The following FRYL variants were observed in gnomAD, a reference collection of about 807,000 sequenced individuals.
FRYL encodes FRY like transcription coactivator.
In FRYL, 150 loss-of-function variants were observed where a neutral mutation model predicts 351.2. The observed-to-expected ratio is 0.43, with a 90% confidence interval of 0.37 to 0.49. FRYL has a LOEUF of 0.49. FRYL is among the 20% of genes least tolerant of loss of function. The pLI, the probability that FRYL is intolerant of heterozygous loss-of-function variation, is 0.00. For synonymous variants in FRYL, 1,153 were observed against 1,257.1 expected (o/e 0.92, Z 1.75); for missense variants, 3,036 against 3,619.3 (o/e 0.84, Z 4.13).
At chr4:48,695,230 C>A (rs958145060) in intron 2 of FRYL, among the ~76,000 whole-genome samples, 7 of 152,142 alleles carry the variant, frequency 4.6e-5, no homozygotes, top group African/African-American at 1.7e-4. Flanking sequence ...GTAAGAGTTG[C>A]TCTGAGACTG....
Position 48,575,125 on chromosome 4 carries a change from T to C in FRYL, c.2838A>G (p.Gly946=), listed in dbSNP as rs779987321. 11 of 1,613,368 alleles carry C rather than the reference T, an allele frequency of 6.8e-6. No homozygotes were observed. The highest frequency in any genetic ancestry group is 1.3e-5 in the African/African-American group (1 of 74,910). ...LVLGLGRTNP[G]AFRELIEELH... is the part of the protein sequence containing the mutation. ...TGTACGAACATAGTTACCTAAAAGC[T>C]CCTGGGTTGGTCCTGCCAAGACCTA... is the stretch of plus-strand genomic sequence containing the variant. Residue 946 remains glycine (G), a synonymous_variant, in exon 25 of 64, where the codon GGA becomes GGG. Transcript: ENST00000358350.
At chr4:48,533,522 C>T (rs1436185321) in intron 49 of FRYL, among the ~76,000 whole-genome samples, 1 of 152,028 alleles carries the variant, frequency 6.6e-6, no homozygotes, top group Non-Finnish European at 1.5e-5. Flanking sequence ...AGAATAAATT[C>T]CTTGCCAGCT....
At position 48,653,986 on chromosome 4, in the gene FRYL, C is replaced by T; in HGVS notation, c.-80-19496G>A. On this transcript the variant is annotated intron_variant, in intron 3 of 63. Coordinates refer to ENST00000358350, the MANE Select transcript of FRYL (RefSeq NM_015030.2). ...ACGCACAACTATAGTGGAAATGCCG[C>T]TGAATGCAGATGAACTATCCAGTTG... 3 of 1,090,256 alleles carry T rather than the reference C, an allele frequency of 2.8e-6. No homozygotes were observed. In the South Asian group the frequency reaches 5.3e-5, roughly 19 times the overall value. The allele number at this position is 1,090,256 out of a possible 1,614,324, so 67.5% of individuals were successfully genotyped here.
chr4:48,710,599 A>G lies in FRYL; in HGVS notation c.-284T>C. On this transcript the variant is annotated 5_prime_UTR_variant, in exon 2 of 64. Coordinates refer to ENST00000358350, the MANE Select transcript of FRYL (RefSeq NM_015030.2). ...AAGGATCCATCTAGAAGCTTTTTTG[A>G]TCTGGAGCTTGTACTTTACAGGCAC... The G allele has an allele frequency of 2.5e-6, 1 of 398,576 alleles. No individual in the cohort carries two copies. The highest frequency in any genetic ancestry group is 4.4e-6 in the Non-Finnish European group (1 of 226,040). The allele number at this position is 398,576 out of a possible 1,614,324, so 24.7% of individuals were successfully genotyped here.
chr4:48,777,529 A>T (rs918269667), intron 1 of FRYL, among the ~76,000 whole-genome samples: 2 of 152,242 alleles, frequency 1.3e-5, no homozygotes, highest in African/African-American at 4.8e-5. Context: ...GATCTCAAGA[A>T]ACAGTTCATA....
At chr4:48,680,596 G>A (rs1228437179) in intron 3 of FRYL, among the ~76,000 whole-genome samples, 1 of 151,898 alleles carries the variant, frequency 6.6e-6, no homozygotes, top group Non-Finnish European at 1.5e-5. Context: ...GGTTTCTATA[G>A]TAACAGACAC....
chr4:48,576,957 T>A (rs1739755019), intron 23 of FRYL, among the ~76,000 whole-genome samples: 1 of 152,174 alleles, frequency 6.6e-6, no homozygotes, highest in South Asian at 2.1e-4. Context: ...ATCTACCTTT[T>A]AGACTTACGT....
intron 3 of FRYL, among the ~76,000 whole-genome samples, chr4:48,665,401 C>A (rs1761528888): frequency 6.6e-6 from 1 of 152,118 alleles, no homozygotes; most frequent in Non-Finnish European, 1.5e-5. Context: ...CATTCTCAAG[C>A]TCCTTTGAAA....
chr4:48,508,829 A>G (rs1299021462), intron 59 of FRYL, among the ~76,000 whole-genome samples: 1 of 152,212 alleles, frequency 6.6e-6, no homozygotes, highest in Non-Finnish European at 1.5e-5. Flanking sequence ...TGGCAAAAGC[A>G]GACACCACAA....
chr4:48,591,717 C>T (rs1202407442), intron 16 of FRYL, among the ~76,000 whole-genome samples: 1 of 152,096 alleles, frequency 6.6e-6, no homozygotes, highest in Non-Finnish European at 1.5e-5. Flanking sequence ...TCATGTATTA[C>T]CTCCCAAAAC....
intron 7 of FRYL, among the ~76,000 whole-genome samples, chr4:48,617,286 G>GA (rs1206644236): frequency 1.3e-5 from 2 of 149,318 alleles, no homozygotes; most frequent in South Asian, 4.2e-4. Context: ...CCATGGGTCA[G>GA]AAATGATTTT....
At chr4:48,760,423 T>C (rs1774279901) in intron 1 of FRYL, among the ~76,000 whole-genome samples, 2 of 152,256 alleles carry the variant, frequency 1.3e-5, no homozygotes, top group Admixed American at 6.5e-5. Context: ...AATCATTTTT[T>C]TCTAGATTCT....
Position 48,573,211 on chromosome 4 carries a change from T to C in FRYL, c.2879A>G (p.Lys960Arg). The C allele has an allele frequency of 6.2e-7, 1 of 1,612,668 alleles. No individual in the cohort carries two copies. The highest frequency in any genetic ancestry group is 8.5e-7 in the Non-Finnish European group (1 of 1,178,704). ...ELIEELHPII[K>R]EALERRPENM... ...CTCTGGCCTTCTTTCGAGTGCTTCT[T>C]TAATTATGGGATGTAATTCCTCTAT... Residue 960 changes from lysine (K) to arginine (R), a missense_variant, in exon 26 of 64, where the codon AAA becomes AGA. Transcript: ENST00000358350.
At chr4:48,515,781 T>C (rs993008333) in intron 55 of FRYL, among the ~76,000 whole-genome samples, 1 of 152,206 alleles carries the variant, frequency 6.6e-6, no homozygotes, top group African/African-American at 2.4e-5. Flanking sequence ...TTGAGGACTT[T>C]TTTTCTCTTC....
chr4:48,636,071 C>A (rs1212001607), intron 3 of FRYL, among the ~76,000 whole-genome samples: 1 of 152,072 alleles, frequency 6.6e-6, no homozygotes, highest in Non-Finnish European at 1.5e-5. Flanking sequence ...TGTGTCATAT[C>A]AAGTTAAAAT....
At position 48,725,647 on chromosome 4, in the gene FRYL, T is replaced by C. The variant is rs117529409; in HGVS notation, c.-383-14949A>G. Among the ~76,000 whole-genome samples the C allele has an allele frequency of 5.4e-4, 82 of 152,310 alleles. 1 individual carries two copies. In the East Asian group the frequency reaches 8.5e-3, roughly 16 times the overall value. On this transcript the variant is annotated intron_variant, in intron 1 of 63. Coordinates refer to ENST00000358350, the MANE Select transcript of FRYL (RefSeq NM_015030.2). ...AGTGTGTCCACATCCACACTGTCTATGCTACCCACCCGCTAGTCACTTAGG... is the reference window on the plus strand; with the variant it reads ...AGTGTGTCCACATCCACACTGTCTACGCTACCCACCCGCTAGTCACTTAGG...
chr4:48,552,080 T>G (rs2148995199), intron 36 of FRYL, among the ~76,000 whole-genome samples: 1 of 152,232 alleles, frequency 6.6e-6, no homozygotes, highest in East Asian at 1.9e-4. Flanking sequence ...CGCCATGTAC[T>G]CCTGAAAGAG....
chr4:48,771,821 T>C (rs1203440329), intron 1 of FRYL, among the ~76,000 whole-genome samples: 1 of 152,162 alleles, frequency 6.6e-6, no homozygotes, highest in Non-Finnish European at 1.5e-5. Flanking sequence ...CTGTATGGGG[T>C]TCTGTTCCCA....
chr4:48,554,090 T>C (rs1326577662), intron 35 of FRYL, among the ~76,000 whole-genome samples: 1 of 152,230 alleles, frequency 6.6e-6, no homozygotes, highest in Non-Finnish European at 1.5e-5. Context: ...GTTTTAGTAA[T>C]GTATATTACT....
Sources: gnomAD v4.1 joint callset for allele counts (sites outside exome capture counted in the v4.1 genomes callset) on GRCh38, gnomAD v4.1.1 for gene constraint, MANE v1.5 for transcripts, NCBI Gene and HGNC (gene_info 2026-07-23, HGNC 2026-07-21) for gene names.